Variants in CHRM3 observed in about 807,000 individuals in gnomAD.
CHRM3 encodes the protein muscarinic acetylcholine receptor M3.
A neutral mutation model predicts 41.8 loss-of-function variants in CHRM3; 11 were observed. The observed-to-expected ratio is 0.26, with a 90% CI of 0.17 to 0.44. CHRM3 has a LOEUF of 0.44. CHRM3 is among the 20% of genes least tolerant of loss of function. The pLI, the probability that CHRM3 is intolerant of heterozygous loss-of-function variation, is 1.00. For synonymous variants in CHRM3, 297 were observed against 301.4 expected (o/e 0.99, Z 0.15); for missense variants, 571 against 745.4 (o/e 0.77, Z 2.72).
chr1:239,856,540 C>T (rs1310538746), intron 6 of CHRM3, among the ~76,000 whole-genome samples: 2 of 152,016 alleles, frequency 1.3e-5, no homozygotes, highest in Non-Finnish European at 2.9e-5. Context: ...TCCCGTGCAG[C>T]CTGCAGAATT....
chr1:239,903,400 T>C (rs1042129785), intron 6 of CHRM3, among the ~76,000 whole-genome samples: 4 of 152,252 alleles, frequency 2.6e-5, no homozygotes, highest in African/African-American at 9.6e-5. Context: ...TTCCATCTCT[T>C]ACCTGGGGGT....
chr1:239,824,479 A>G (rs1262410942), intron 5 of CHRM3, among the ~76,000 whole-genome samples: 2 of 152,216 alleles, frequency 1.3e-5, no homozygotes. Flanking sequence ...TGAAAATGAT[A>G]AAAACCTCTT....
At chr1:239,449,109 A>G (rs1256050011) in intron 1 of CHRM3, among the ~76,000 whole-genome samples, 4 of 152,162 alleles carry the variant, frequency 2.6e-5, no homozygotes, top group Admixed American at 2.6e-4. Context: ...AGTGTAATAT[A>G]TTACATTAAA....
intron 2 of CHRM3, among the ~76,000 whole-genome samples, chr1:239,540,066 G>A (rs760015300): frequency 9.2e-5 from 14 of 152,166 alleles, no homozygotes; most frequent in Non-Finnish European, 1.5e-4. Flanking sequence ...GAGCCTAGGT[G>A]TGTACCAGGC....
intron 2 of CHRM3, among the ~76,000 whole-genome samples, chr1:239,495,571 G>T (rs1386000479): frequency 6.6e-6 from 1 of 152,094 alleles, no homozygotes; most frequent in African/African-American, 2.4e-5. Flanking sequence ...ATTGGGTGTG[G>T]CTTAAGCACA....
intron 6 of CHRM3, chr1:239,898,026 T>C (rs977418345): frequency 1.7e-4 from 26 of 152,210 alleles, no homozygotes; most frequent in African/African-American, 5.8e-4. Flanking sequence ...TTCCCCTTTT[T>C]AAATAGAATT....
At chr1:239,757,597 G>T (rs370496185) in intron 5 of CHRM3, among the ~76,000 whole-genome samples, 15 of 150,148 alleles carry the variant, frequency 1.0e-4, no homozygotes, top group Non-Finnish European at 1.9e-4. Flanking sequence ...GCCACTGCAC[G>T]CCAGCCTGGG....
At position 239,693,331 on chromosome 1, in the gene CHRM3, A is replaced by G. The variant is rs148250647; in HGVS notation, c.-147+15043A>G. Among the ~76,000 whole-genome samples the G allele has an allele frequency of 4.5e-3, 687 of 152,268 alleles. 8 individuals are homozygous for G. The highest frequency in any genetic ancestry group is 0.016 in the African/African-American group (661 of 41,550). On this transcript the variant is annotated intron_variant, in intron 5 of 6. Coordinates refer to ENST00000676153, the MANE Select transcript of CHRM3 (RefSeq NM_001375978.1). ...GGAGATATGGGTTTTAGGAGGTAATAAAGCATAAATGAGGCCATAAGGGTA... is the reference window on the plus strand; with the variant it reads ...GGAGATATGGGTTTTAGGAGGTAATGAAGCATAAATGAGGCCATAAGGGTA...
At chr1:239,465,892 G>A (rs1033049616) in intron 1 of CHRM3, among the ~76,000 whole-genome samples, 3 of 152,090 alleles carry the variant, frequency 2.0e-5, no homozygotes, top group Non-Finnish European at 2.9e-5. Flanking sequence ...GCTATCCGAA[G>A]ACAGCAAGAC....
chr1:239,776,001 C>T lies in CHRM3; in HGVS notation c.-146-51251C>T, dbSNP rs186094033. On this transcript the variant is annotated intron_variant, in intron 5 of 6. Transcript: ENST00000676153. ...AGATATTTCTAGACCTGAAGTCTTA[C>T]ATATTTTAGAATAAAATAAATTTGA... Among the ~76,000 whole-genome samples, 168 of 152,328 alleles carry T rather than the reference C, an allele frequency of 1.1e-3. 3 individuals carry two copies. Among genetic ancestry groups the T allele is most frequent in the Non-Finnish European group, 7.2e-4 (49 of 68,022 alleles).
chr1:239,610,895 T>C (rs1220977408), intron 3 of CHRM3, among the ~76,000 whole-genome samples: 1 of 151,982 alleles, frequency 6.6e-6, no homozygotes, highest in African/African-American at 2.4e-5. Flanking sequence ...CTACTAAAAA[T>C]ACAAAAATGA....
chr1:239,770,222 G>A (rs947403167), intron 5 of CHRM3, among the ~76,000 whole-genome samples: 1 of 152,172 alleles, frequency 6.6e-6, no homozygotes, highest in African/African-American at 2.4e-5. Context: ...ACGGGACGTA[G>A]GTTTGTGGAG....
At chr1:239,644,439 C>T (rs1222404723) in intron 4 of CHRM3, among the ~76,000 whole-genome samples, 4 of 152,164 alleles carry the variant, frequency 2.6e-5, no homozygotes, top group Non-Finnish European at 4.4e-5. Flanking sequence ...ACAACTTCTC[C>T]CCACGTCGTC....
At chr1:239,402,959 T>TC (rs1293031597) in intron 1 of CHRM3, among the ~76,000 whole-genome samples, 1 of 152,198 alleles carries the variant, frequency 6.6e-6, no homozygotes, top group Non-Finnish European at 1.5e-5. Flanking sequence ...GATTTTTTTT[T>TC]CTGGAATATT....
intron 5 of CHRM3, among the ~76,000 whole-genome samples, chr1:239,753,436 G>C (rs988365401): frequency 2.0e-5 from 3 of 152,148 alleles, no homozygotes; most frequent in Non-Finnish European, 2.9e-5. Context: ...ATGGCAGAAG[G>C]TGAAGGGGAA....
intron 4 of CHRM3, among the ~76,000 whole-genome samples, chr1:239,637,517 C>CTTTTT (rs149963225): frequency 1.0e-4 from 5 of 48,530 alleles, no homozygotes; most frequent in Non-Finnish European, 1.0e-4. Context: ...TCATCAAAGT[C>CTTTTT]TTTTTTTTTT....
At chr1:239,831,286 T>C (rs977680520) in intron 6 of CHRM3, among the ~76,000 whole-genome samples, 3 of 152,136 alleles carry the variant, frequency 2.0e-5, no homozygotes, top group African/African-American at 7.2e-5. Flanking sequence ...TATAATCCTT[T>C]GATGTAGGAA....
intron 5 of CHRM3, among the ~76,000 whole-genome samples, chr1:239,812,111 C>T (rs1671165733): frequency 6.6e-6 from 1 of 152,196 alleles, no homozygotes; most frequent in African/African-American, 2.4e-5. Flanking sequence ...ACTATCTCAG[C>T]TCATTACACC....
At chr1:239,892,981 T>C (rs1311508030) in intron 6 of CHRM3, among the ~76,000 whole-genome samples, 1 of 151,900 alleles carries the variant, frequency 6.6e-6, no homozygotes. Context: ...CATTGGAGGG[T>C]TGGGTGTAAA....
Sources: allele counts gnomAD v4.1 joint callset (sites outside exome capture counted in the v4.1 genomes callset), GRCh38; gene constraint gnomAD v4.1.1; transcripts MANE v1.5; gene names NCBI Gene and HGNC (gene_info 2026-07-23, HGNC 2026-07-21).